TAFA4: variants seen among roughly 807,000 people sequenced by gnomAD.
The protein encoded by TAFA4 is TAFA chemokine like family member 4.
TAFA4 carries 20 observed loss-of-function variants against 21.1 expected under a neutral mutation model. The ratio of observed to expected loss-of-function variants is 0.95; its 90% CI spans 0.67 to 1.38. The LOEUF is 1.38. Ranked by LOEUF, TAFA4 falls within the 40% of genes most tolerant of loss-of-function variation. The pLI is 0.00. For missense variants in TAFA4, 211 were observed against 180.9 expected, an observed-to-expected ratio of 1.17 and a Z score of -0.95; for synonymous variants, 71 against 67.4, an observed-to-expected ratio of 1.05 and a Z score of -0.26.
chr3:68,811,788 G>A lies in TAFA4; in HGVS notation c.131-58770C>T, dbSNP rs984513931. 7.2e-5 allele frequency among the ~76,000 whole-genome samples: 11 copies of A among 152,162 alleles called. No homozygotes were observed. In the South Asian group the frequency reaches 1.2e-3, roughly 17 times the overall value. On this transcript the variant is annotated intron_variant, in intron 3 of 5. Coordinates refer to ENST00000295569, the MANE Select transcript of TAFA4 (RefSeq NM_182522.5). ...CAGGAGAACTTTCCCAATCTACCAA[G>A]GCAGGCCAACATTCAAATTCAGGAA...
intron 3 of TAFA4, among the ~76,000 whole-genome samples, chr3:68,789,385 A>C: frequency 6.6e-6 from 1 of 152,256 alleles, no homozygotes; most frequent in Admixed American, 6.5e-5. Flanking sequence ...TTAATGACAA[A>C]GTTTGCTAAG....
chr3:68,762,940 A>C (rs1468699975), intron 3 of TAFA4, among the ~76,000 whole-genome samples: 1 of 152,244 alleles, frequency 6.6e-6, no homozygotes, highest in Admixed American at 6.5e-5. Flanking sequence ...CAGGTGGCTA[A>C]GGCATGAGAG....
At chr3:68,823,636 G>T (rs1704161861) in intron 3 of TAFA4, among the ~76,000 whole-genome samples, 1 of 151,960 alleles carries the variant, frequency 6.6e-6, no homozygotes, top group African/African-American at 2.4e-5. Context: ...AGTGTATGTT[G>T]TTCCCCTCCC....
intron 2 of TAFA4, among the ~76,000 whole-genome samples, chr3:68,881,525 CCTAA>C (rs1047720563): frequency 6.6e-6 from 1 of 152,114 alleles, no homozygotes; most frequent in African/African-American, 2.4e-5. Context: ...TTCCCAGCTG[CCTAA>C]CTTTCTGCCA....
chr3:68,800,253 A>G (rs189724538), intron 3 of TAFA4, among the ~76,000 whole-genome samples: 3 of 152,286 alleles, frequency 2.0e-5, no homozygotes, highest in Admixed American at 2.0e-4. Flanking sequence ...TCTGGTGCCA[A>G]AAATGTTGGG....
At chr3:68,881,771 A>C (rs1306684523) in intron 2 of TAFA4, among the ~76,000 whole-genome samples, 2 of 152,184 alleles carry the variant, frequency 1.3e-5, no homozygotes, top group African/African-American at 4.8e-5. Context: ...GACAATAAAA[A>C]CATGGTACCT....
intron 4 of TAFA4, among the ~76,000 whole-genome samples, chr3:68,749,275 ATC>A (rs1702518122): frequency 6.6e-6 from 1 of 152,250 alleles, no homozygotes; most frequent in South Asian, 2.1e-4. Flanking sequence ...CTAGATAATT[ATC>A]TGTGGTGTGG....
At chr3:68,854,099 A>C (rs2106913292) in intron 3 of TAFA4, among the ~76,000 whole-genome samples, 1 of 152,270 alleles carries the variant, frequency 6.6e-6, no homozygotes, top group African/African-American at 2.4e-5. Context: ...AGAATTATAA[A>C]GCAGGAGTAT....
At chr3:68,813,686 C>G (rs1174626415) in intron 3 of TAFA4, among the ~76,000 whole-genome samples, 1 of 152,038 alleles carries the variant, frequency 6.6e-6, no homozygotes, top group African/African-American at 2.4e-5. Context: ...AGCTTACCAA[C>G]CAAAAAAAGT....
intron 3 of TAFA4, among the ~76,000 whole-genome samples, chr3:68,790,581 G>C (rs1456902518): frequency 6.6e-6 from 1 of 152,210 alleles, no homozygotes; most frequent in Non-Finnish European, 1.5e-5. Context: ...ATGTTATACA[G>C]TAAGTTCTCA....
At chr3:68,796,317 C>T (rs1437390337) in intron 3 of TAFA4, among the ~76,000 whole-genome samples, 1 of 152,128 alleles carries the variant, frequency 6.6e-6, no homozygotes, top group Non-Finnish European at 1.5e-5. Flanking sequence ...TTATACACTA[C>T]TACAGTATAT....
chr3:68,762,994 T>C (rs1250729204), intron 3 of TAFA4, among the ~76,000 whole-genome samples: 4 of 152,218 alleles, frequency 2.6e-5, no homozygotes, highest in African/African-American at 9.6e-5. Flanking sequence ...GCTGAGATCA[T>C]GCCACTGCAC....
intron 4 of TAFA4, among the ~76,000 whole-genome samples, chr3:68,741,623 T>C (rs1702354268): frequency 6.6e-6 from 1 of 151,670 alleles, no homozygotes; most frequent in Non-Finnish European, 1.5e-5. Flanking sequence ...TGAAACCCCA[T>C]CTGTACTAAA....
chr3:68,828,638 A>G (rs542393823), intron 3 of TAFA4, among the ~76,000 whole-genome samples: 82 of 152,276 alleles, frequency 5.4e-4, no homozygotes, highest in African/African-American at 2.0e-3. Flanking sequence ...TCTTTGAGGC[A>G]ATTGTGAATG....
chr3:68,822,763 C>A (rs189323949), intron 3 of TAFA4, among the ~76,000 whole-genome samples: 197 of 152,284 alleles, frequency 1.3e-3, no homozygotes, highest in Non-Finnish European at 2.0e-3. Context: ...TGAGCCACTG[C>A]GCCTGGCTGC....
At chr3:68,926,037 G>T (rs1462252175) in intron 1 of TAFA4, among the ~76,000 whole-genome samples, 1 of 152,138 alleles carries the variant, frequency 6.6e-6, no homozygotes, top group Non-Finnish European at 1.5e-5. Flanking sequence ...TTCCAGACCA[G>T]CCTGGTCAAC....
chr3:68,776,343 TA>T (rs1296392136), intron 3 of TAFA4, among the ~76,000 whole-genome samples: 1 of 152,092 alleles, frequency 6.6e-6, no homozygotes, highest in Admixed American at 6.5e-5. Flanking sequence ...ATACAGAAAG[TA>T]AGCATAAAAT....
intron 3 of TAFA4, 47 bp downstream of exon 3, chr3:68,880,683 A>T (rs1025008778): frequency 6.7e-7 from 1 of 1,488,354 alleles, no homozygotes; most frequent in East Asian, 2.3e-5. Context: ...TGACATTTGG[A>T]GGGGTTTTAT....
chr3:68,767,699 T>C (rs772840169), intron 3 of TAFA4, among the ~76,000 whole-genome samples: 2 of 152,158 alleles, frequency 1.3e-5, no homozygotes, highest in Middle Eastern at 3.4e-3. Context: ...AATCTGATTA[T>C]ATATTTCAAA....
Sources: gnomAD v4.1 joint callset for allele counts (sites outside exome capture counted in the v4.1 genomes callset) on GRCh38, gnomAD v4.1.1 for gene constraint, MANE v1.5 for transcripts, NCBI Gene and HGNC (gene_info 2026-07-23, HGNC 2026-07-21) for gene names.